DCC: variants seen among roughly 807,000 people sequenced by gnomAD.
DCC encodes the protein DCC netrin 1 receptor.
A neutral mutation model predicts 172.5 loss-of-function variants in DCC; 58 were observed. That is an observed-to-expected ratio of 0.34 (90% CI 0.27 to 0.42). The LOEUF (loss-of-function observed/expected upper bound fraction) is 0.42, where lower values mean the gene tolerates loss of function less well. Ranked by LOEUF, DCC falls within the 10% of genes least tolerant of loss-of-function variation. The probability of loss-of-function intolerance (pLI) is 1.00; values close to 1 mark genes in which losing one functional copy is unlikely to be tolerated. For missense variants in DCC, 1,740 were observed against 1,791.0 expected, an observed-to-expected ratio of 0.97 and a Z score of 0.51; for synonymous variants, 709 against 644.5, an observed-to-expected ratio of 1.10 and a Z score of -1.52.
chr18:53,163,511 G>T (rs185444369), intron 8 of DCC, among the ~76,000 whole-genome samples: 7 of 152,240 alleles, frequency 4.6e-5, no homozygotes, highest in African/African-American at 1.7e-4. Flanking sequence ...TTTCTAAAAC[G>T]TTGTGAATTT....
At position 52,436,433 on chromosome 18, in the gene DCC, A is replaced by G. The variant is rs1787746; in HGVS notation, c.91+95555A>G. Among the ~76,000 whole-genome samples, 755 of 152,326 alleles carry G rather than the reference A, an allele frequency of 5.0e-3. 9 individuals are homozygous for G. The highest frequency in any genetic ancestry group is 0.017 in the African/African-American group (711 of 41,566). On this transcript the variant is annotated intron_variant, in intron 1 of 28. Transcript: ENST00000442544. ...TGACGCTCTCCATTCTTGCCACTCA[A>G]CATGCTGCTCATGCTTTGTGGCATT...
intron 1 of DCC, among the ~76,000 whole-genome samples, chr18:52,351,070 A>G (rs1984100128): frequency 6.6e-6 from 1 of 152,228 alleles, no homozygotes; most frequent in South Asian, 2.1e-4. Flanking sequence ...ACAGCAGATC[A>G]GAGACAGCTT....
At position 53,071,518 on chromosome 18, in the gene DCC, C is replaced by A. The variant is rs186048545; in HGVS notation, c.1261+5352C>A. On this transcript the variant is annotated intron_variant, in intron 7 of 28. Transcript: ENST00000442544. ...ATCTATGCAATTATTTATTTTCTGT[C>A]TCTCTCTATAGAACACATGCACAAA... Among the ~76,000 whole-genome samples, 8 of 152,244 alleles carry A rather than the reference C, an allele frequency of 5.3e-5. No homozygotes were observed. The East Asian group carries it at 1.5e-3, about 29-fold the overall frequency.
intron 5 of DCC, chr18:52,940,971 C>G (rs1205263070): frequency 2.0e-5 from 3 of 152,038 alleles, no homozygotes; most frequent in South Asian, 2.1e-4. Context: ...GTTGGAAAGG[C>G]CTCAAAGGTT....
At chr18:52,935,548 T>C (rs1464527496) in intron 5 of DCC, among the ~76,000 whole-genome samples, 1 of 152,118 alleles carries the variant, frequency 6.6e-6, no homozygotes, top group Non-Finnish European at 1.5e-5. Flanking sequence ...GATATGGCTT[T>C]TTTCCTTTTA....
chr18:52,896,479 A>G (rs2039731613), intron 2 of DCC, among the ~76,000 whole-genome samples: 1 of 152,202 alleles, frequency 6.6e-6, no homozygotes, highest in South Asian at 2.1e-4. Context: ...ACCTTCTGTA[A>G]GAAGGACTTC....
intron 5 of DCC, among the ~76,000 whole-genome samples, chr18:52,990,636 TC>T (rs1166745417): frequency 4.6e-5 from 7 of 152,092 alleles, no homozygotes; most frequent in African/African-American, 1.7e-4. Flanking sequence ...ATCAGTTTTT[TC>T]TTGCACACAA....
intron 2 of DCC, among the ~76,000 whole-genome samples, chr18:52,889,707 G>T (rs1241392193): frequency 1.3e-5 from 2 of 152,084 alleles, no homozygotes; most frequent in African/African-American, 4.8e-5. Flanking sequence ...ACCCTTTAGG[G>T]TTGAAATTAT....
chr18:53,506,800 G>T (rs2046183365), intron 27 of DCC, among the ~76,000 whole-genome samples: 1 of 150,954 alleles, frequency 6.6e-6, no homozygotes, highest in Non-Finnish European at 1.5e-5. Context: ...AGAGGTTGCA[G>T]TGAGCCAAGA....
intron 15 of DCC, among the ~76,000 whole-genome samples, chr18:53,378,488 T>C (rs555344463): frequency 1.2e-4 from 18 of 152,286 alleles, no homozygotes; most frequent in Non-Finnish European, 2.5e-4. Flanking sequence ...TTATAAAATA[T>C]CTTTGGATTC....
intron 1 of DCC, among the ~76,000 whole-genome samples, chr18:52,613,422 A>T (rs887195160): frequency 1.3e-5 from 2 of 151,546 alleles, no homozygotes; most frequent in Non-Finnish European, 2.9e-5. Context: ...CGCCCGGCTA[A>T]TTTTTTGTAT....
At position 53,298,774 on chromosome 18, in the gene DCC, G is replaced by T. The variant is rs1347104155; in HGVS notation, c.1912-6804G>T. ...AAAGCTTATTGGATGTATTTTAAAA[G>T]AATAATTTAAATTATTTAAATTCTA... On this transcript the variant is annotated intron_variant, in intron 12 of 28. Transcript: ENST00000442544. Among the ~76,000 whole-genome samples, 5 of 146,352 alleles carry T rather than the reference G, an allele frequency of 3.4e-5. No individual in the cohort carries two copies. In the East Asian group the frequency reaches 9.9e-4, roughly 29 times the overall value.
At position 53,347,848 on chromosome 18, in the gene DCC, A is replaced by G. The variant is rs1474761329; in HGVS notation, c.2359+7941A>G. Among the ~76,000 whole-genome samples, 3 of 152,288 alleles carry G rather than the reference A, an allele frequency of 2.0e-5. No individual in the cohort carries two copies. In the East Asian group the frequency reaches 5.8e-4, roughly 29 times the overall value. ...CCCCTTTAAAAAACCATGAGATCTCATGAGGCTCATTCACTATCATAAGAA... is the reference window on the plus strand; with the variant it reads ...CCCCTTTAAAAAACCATGAGATCTCGTGAGGCTCATTCACTATCATAAGAA... On this transcript the variant is annotated intron_variant, in intron 15 of 28. Coordinates refer to ENST00000442544, the MANE Select transcript of DCC (RefSeq NM_005215.4).
chr18:52,945,859 T>A (rs1215089522), intron 5 of DCC, among the ~76,000 whole-genome samples: 1 of 152,196 alleles, frequency 6.6e-6, no homozygotes, highest in East Asian at 1.9e-4. Context: ...CTTCAATTCG[T>A]GGCCAGTAGT....
intron 14 of DCC, among the ~76,000 whole-genome samples, chr18:53,335,103 C>A (rs2057577000): frequency 6.6e-6 from 1 of 152,134 alleles, no homozygotes; most frequent in African/African-American, 2.4e-5. Flanking sequence ...CCTTGATGTT[C>A]CAGATGTGAT....
At chr18:52,946,090 T>C (rs2040540257) in intron 5 of DCC, among the ~76,000 whole-genome samples, 1 of 152,086 alleles carries the variant, frequency 6.6e-6, no homozygotes, top group South Asian at 2.1e-4. Context: ...TATGACTCAA[T>C]ATAGTCATCA....
At chr18:52,884,872 G>C (rs1350596651) in intron 2 of DCC, among the ~76,000 whole-genome samples, 2 of 152,124 alleles carry the variant, frequency 1.3e-5, no homozygotes, top group Non-Finnish European at 2.9e-5. Flanking sequence ...GAAGGAACTT[G>C]GGTACAAAGC....
intron 27 of DCC, among the ~76,000 whole-genome samples, chr18:53,504,320 T>C (rs1255131440): frequency 6.6e-6 from 1 of 152,120 alleles, no homozygotes; most frequent in Non-Finnish European, 1.5e-5. Flanking sequence ...GCAGAGGTCA[T>C]GGGAGATCAG....
intron 7 of DCC, among the ~76,000 whole-genome samples, chr18:53,100,901 G>A (rs1234322864): frequency 6.6e-6 from 1 of 152,118 alleles, no homozygotes; most frequent in Non-Finnish European, 1.5e-5. Flanking sequence ...GCATCTGAAA[G>A]ATAACCACAC....
Sources: gnomAD v4.1 joint callset for allele counts (sites outside exome capture counted in the v4.1 genomes callset) on GRCh38, gnomAD v4.1.1 for gene constraint, MANE v1.5 for transcripts, NCBI Gene and HGNC (gene_info 2026-07-23, HGNC 2026-07-21) for gene names.